The following TNKS variants were observed in gnomAD, a reference collection of about 807,000 sequenced individuals.
The protein encoded by TNKS is tankyrase.
TNKS carries 72 observed loss-of-function variants against 135.8 expected under a neutral mutation model. The observed-to-expected ratio is 0.53, with a 90% CI of 0.44 to 0.64. The LOEUF (loss-of-function observed/expected upper bound fraction) is 0.64. Among genes scored for constraint, TNKS ranks in the 30% least tolerant of loss-of-function variants. The probability of loss-of-function intolerance (pLI) is 0.00; values close to 1 mark genes in which losing one functional copy is unlikely to be tolerated. For synonymous variants in TNKS, 849 were observed against 649.3 expected (o/e 1.31, Z -4.68); for missense variants, 1,769 against 1,674.0 (o/e 1.06, Z -0.99).
intron 17 of TNKS, 126 bp downstream of exon 17, chr8:9,735,612 A>T: frequency 1.5e-6 from 1 of 672,366 alleles, no homozygotes; most frequent in South Asian, 1.8e-5. Flanking sequence ...AATCCTGGCT[A>T]ACACGGTGAA....
rs545295290 is a variant in TNKS at position 9,771,600 on chromosome 8, AAG to A, written c.3897+1340_3897+1341del. Among the ~76,000 whole-genome samples, 876 of 125,542 alleles carry A rather than the reference AAG, an allele frequency of 7.0e-3. 10 individuals are homozygous for A. The highest frequency in any genetic ancestry group is 0.023 in the African/African-American group (739 of 32,318). The allele number at this position is 125,542 out of a possible 152,430, so 82.4% of individuals were successfully genotyped here. On this transcript the variant is annotated intron_variant, in intron 26 of 26. Coordinates refer to ENST00000310430, the MANE Select transcript of TNKS (RefSeq NM_003747.3). ...GGAAGAGAGAAAGGGAGAGGAAAGA[AAG>A]AAGGGAGGAAGAGAGGAAGGAAAGA...
At chr8:9,558,015 G>T (rs1797153866) in intron 1 of TNKS, 1 of 152,160 alleles carries the variant, frequency 6.6e-6, no homozygotes. Flanking sequence ...TTTGGGAGAA[G>T]TAGTAATGCG....
chr8:9,598,755 A>ATG (rs1220199241), intron 2 of TNKS, among the ~76,000 whole-genome samples: 2,589 of 70,980 alleles, frequency 0.036, 139 homozygotes, highest in Non-Finnish European at 0.057. Flanking sequence ...ATATATGTAT[A>ATG]TGTGTGTGTG....
In TNKS at chr8:9,555,990, G is replaced by T; in HGVS notation, c.51G>T (p.Gln17His). ...ATCATCACCACCATCATCAACAACA[G>T]CTCCAGCCCGCCCCAGGGGCTTCAG... Reference protein sequence around the residue: ...SQHHHHHHQQQLQPAPGASAP... With the variant: ...SQHHHHHHQQHLQPAPGASAP... Residue 17 changes from glutamine (Q) to histidine (H), a missense_variant, in exon 1 of 27, where the codon CAG becomes CAT. Coordinates refer to ENST00000310430, the MANE Select transcript of TNKS (RefSeq NM_003747.3). The T allele has an allele frequency of 6.2e-7, 1 of 1,613,426 alleles. No homozygotes were observed. Among genetic ancestry groups the T allele is most frequent in the Non-Finnish European group, 8.5e-7 (1 of 1,179,852 alleles).
rs770474450 is a variant in TNKS, at chr8:9,751,635, A to T, written c.2859A>T (p.Ile953=). The T allele has an allele frequency of 6.2e-7, 1 of 1,614,146 alleles. No individual in the cohort carries two copies. The highest frequency in any genetic ancestry group is 8.5e-7 in the Non-Finnish European group (1 of 1,180,012). ...ATADDIRALL[I]DAMPPEALPT... ...CTGACGATATCAGAGCTTTGCTGAT[A>T]GATGCCATGCCCCCAGAGGCCTTAC... Residue 953 remains isoleucine, a synonymous_variant, in exon 19 of 27, where the codon ATA becomes ATT. Coordinates refer to ENST00000310430, the MANE Select transcript of TNKS (RefSeq NM_003747.3).
At chr8:9,581,500 G>A (rs563228844) in intron 2 of TNKS, among the ~76,000 whole-genome samples, 1 of 152,222 alleles carries the variant, frequency 6.6e-6, no homozygotes, top group South Asian at 2.1e-4. Flanking sequence ...ACCTTGAGAA[G>A]CTTCAACTTA....
intron 5 of TNKS, among the ~76,000 whole-genome samples, chr8:9,701,409 C>G (rs1030963990): frequency 6.6e-6 from 1 of 152,062 alleles, no homozygotes; most frequent in African/African-American, 2.4e-5. Context: ...AAAGATGTGA[C>G]CCTTTTTATG....
intron 17 of TNKS, among the ~76,000 whole-genome samples, chr8:9,745,556 C>T (rs964388232): frequency 3.9e-5 from 6 of 152,146 alleles, no homozygotes; most frequent in Middle Eastern, 3.4e-3. Context: ...AGGTGTGTGG[C>T]GCCACACCCA....
At chr8:9,641,212 A>G (rs1042054448) in intron 3 of TNKS, among the ~76,000 whole-genome samples, 3 of 145,472 alleles carry the variant, frequency 2.1e-5, no homozygotes, top group African/African-American at 7.7e-5. Flanking sequence ...TTAAGGTGCA[A>G]ATTTCATCCC....
At chr8:9,585,254 A>AT (rs1331900333) in intron 2 of TNKS, among the ~76,000 whole-genome samples, 81 of 152,174 alleles carry the variant, frequency 5.3e-4, no homozygotes, top group African/African-American at 1.9e-3. Context: ...ACAGAGACAA[A>AT]TGTTGAAACA....
At chr8:9,678,396 AC>A in intron 3 of TNKS, among the ~76,000 whole-genome samples, 1 of 152,134 alleles carries the variant, frequency 6.6e-6, no homozygotes, top group Non-Finnish European at 1.5e-5. Flanking sequence ...TAATGAAATG[AC>A]CTTTACTCTG....
intron 5 of TNKS, among the ~76,000 whole-genome samples, chr8:9,688,000 A>G (rs1294496346): frequency 6.6e-6 from 1 of 152,238 alleles, no homozygotes; most frequent in African/African-American, 2.4e-5. Flanking sequence ...ACAGAGGGGC[A>G]AAGGAAAAAG....
chr8:9,667,958 C>T (rs973056012), intron 3 of TNKS, among the ~76,000 whole-genome samples: 2 of 151,332 alleles, frequency 1.3e-5, no homozygotes, highest in African/African-American at 4.9e-5. Context: ...CAATACAGCA[C>T]TGATACAGAT....
intron 13 of TNKS, among the ~76,000 whole-genome samples, chr8:9,727,556 T>G (rs1274775635): frequency 6.6e-6 from 1 of 152,196 alleles, no homozygotes; most frequent in Non-Finnish European, 1.5e-5. Context: ...AGACTACAGG[T>G]GTGCACCACT....
intron 1 of TNKS, among the ~76,000 whole-genome samples, chr8:9,579,380 C>G (rs984624460): frequency 5.9e-5 from 9 of 152,188 alleles, no homozygotes; most frequent in African/African-American, 2.2e-4. Flanking sequence ...TTTCTCATAC[C>G]CATACATTCA....
chr8:9,598,729 G>GTGTGTGTGTGTGTGTGTC (rs777986624), intron 2 of TNKS, among the ~76,000 whole-genome samples: 1 of 123,508 alleles, frequency 8.1e-6, no homozygotes, highest in Admixed American at 9.0e-5. Flanking sequence ...GTGTGTGTGT[G>GTGTGTGTGTGTGTGTGTC]TGTGTCTGTG....
intron 2 of TNKS, among the ~76,000 whole-genome samples, chr8:9,600,742 C>T (rs935127972): frequency 6.6e-6 from 1 of 151,976 alleles, no homozygotes; most frequent in Non-Finnish European, 1.5e-5. Context: ...TATGCTAGTC[C>T]CAGATGTTGA....
intron 3 of TNKS, among the ~76,000 whole-genome samples, chr8:9,625,849 A>T (rs1244676084): frequency 6.6e-6 from 1 of 152,200 alleles, no homozygotes; most frequent in Non-Finnish European, 1.5e-5. Flanking sequence ...TAAATGTTCC[A>T]TGGGCATGTG....
chr8:9,617,469 G>T (rs1186428555), intron 3 of TNKS, among the ~76,000 whole-genome samples: 2 of 152,194 alleles, frequency 1.3e-5, no homozygotes, highest in Non-Finnish European at 2.9e-5. Flanking sequence ...CAGCTTTTCA[G>T]ATGTGATTTA....
Sources: gnomAD v4.1 joint callset for allele counts (sites outside exome capture counted in the v4.1 genomes callset) on GRCh38, gnomAD v4.1.1 for gene constraint, MANE v1.5 for transcripts, NCBI Gene and HGNC (gene_info 2026-07-23, HGNC 2026-07-21) for gene names.